FYB1: variants seen among roughly 807,000 people sequenced by gnomAD.
FYB1 encodes the protein FYN binding protein 1.
In FYB1, 41 loss-of-function variants were observed where a neutral mutation model predicts 94.1. The ratio of observed to expected loss-of-function variants is 0.44; its 90% CI spans 0.34 to 0.57. The LOEUF is 0.57. Ranked by LOEUF, FYB1 falls within the 20% of genes least tolerant of loss-of-function variation. The pLI, the probability that FYB1 is intolerant of heterozygous loss-of-function variation, is 0.02. For synonymous variants in FYB1, 367 were observed against 353.2 expected (o/e 1.04, Z -0.44); for missense variants, 1,050 against 976.8 (o/e 1.07, Z -1.00).
intron 1 of FYB1, among the ~76,000 whole-genome samples, chr5:39,209,374 T>C (rs1230161939): frequency 6.6e-6 from 1 of 151,560 alleles, no homozygotes; most frequent in Non-Finnish European, 1.5e-5. Context: ...TCACCCAGGC[T>C]GGAGTGCAGT....
upstream of FYB1, among the ~76,000 whole-genome samples, chr5:39,224,558 G>A (rs1013406570): frequency 1.3e-5 from 2 of 152,188 alleles, no homozygotes; most frequent in African/African-American, 4.8e-5. Flanking sequence ...TTAAAGGTGT[G>A]TATTCCTCTA....
intron 18 of FYB1, among the ~76,000 whole-genome samples, chr5:39,107,848 A>G (rs576257183): frequency 6.6e-6 from 1 of 152,188 alleles, no homozygotes; most frequent in South Asian, 2.1e-4. Flanking sequence ...AATTTTTTAG[A>G]TTACAGTTTG....
At chr5:39,148,153 TTTTATATATATATATATATATATA>T (rs1284992830) in intron 3 of FYB1, among the ~76,000 whole-genome samples, 3,234 of 79,454 alleles carry the variant, frequency 0.041, 500 homozygotes, top group African/African-American at 0.16. Context: ...TATATGTATT[TTTTATATATATATATATATATATA>T]TATATATATA....
chr5:39,139,364 C>T (rs1580363348), intron 4 of FYB1, 112 bp from the exon 5 acceptor site: 1 of 895,338 alleles, frequency 1.1e-6, no homozygotes, highest in Non-Finnish European at 1.5e-6. Context: ...TCTAACAGAA[C>T]TTATGCTTTA....
rs961220450 is a variant in FYB1, at chr5:39,106,461, G to A, written c.*982C>T. On this transcript the variant is annotated 3_prime_UTR_variant, in exon 19 of 19. Coordinates refer to ENST00000512982, the MANE Select transcript of FYB1 (RefSeq NM_001465.6). ...AATGAGTATGTACTGTTAGAGAAGG[G>A]CCCAATCCAAACACTAGAATTTTAA... is the stretch of plus-strand genomic sequence containing the variant. 1.3e-5 allele frequency: 2 copies of A among 151,776 alleles called. No homozygotes were observed. Among genetic ancestry groups the A allele is most frequent in the Non-Finnish European group, 1.5e-5 (1 of 67,936 alleles). The allele number at this position is 151,776 out of a possible 1,614,324, so 9.4% of individuals were successfully genotyped here. A position where few individuals can be genotyped will look rare whatever the true frequency, so the allele number is the denominator to read the frequency against.
chr5:39,243,635 G>C (rs1375954945), intron 1 of FYB1, among the ~76,000 whole-genome samples: 1 of 152,038 alleles, frequency 6.6e-6, no homozygotes, highest in Admixed American at 6.6e-5. Flanking sequence ...CTCTTTTTTG[G>C]TTCCATATGA....
At chr5:39,119,705 C>A (rs191629662) in intron 14 of FYB1, 71 bp from the exon 15 acceptor site, 2 of 1,319,328 alleles carry the variant, frequency 1.5e-6, no homozygotes, top group East Asian at 6.0e-5. Context: ...ATAACAGAGA[C>A]GATTCATAGC....
At chr5:39,116,457 A>T (rs1301000865) in intron 16 of FYB1, among the ~76,000 whole-genome samples, 1 of 152,216 alleles carries the variant, frequency 6.6e-6, no homozygotes, top group Non-Finnish European at 1.5e-5. Context: ...AAGTTTACGA[A>T]ACATTTTCAC....
At chr5:39,267,405 C>CAT (rs1752480581) in intron 1 of FYB1, among the ~76,000 whole-genome samples, 4 of 122,658 alleles carry the variant, frequency 3.3e-5, no homozygotes, top group Non-Finnish European at 7.2e-5. Context: ...ATCATCATCA[C>CAT]GTCATCACCA....
upstream of FYB1, among the ~76,000 whole-genome samples, chr5:39,220,980 T>C (rs1750224149): frequency 6.6e-6 from 1 of 152,366 alleles, no homozygotes; most frequent in East Asian, 1.9e-4. Flanking sequence ...AAATATTTAC[T>C]ATCTAGTCCT....
Position 39,163,744 on chromosome 5 carries a change from G to GA in FYB1, c.1136-10141dup, listed in dbSNP as rs1278678071. Among the ~76,000 whole-genome samples the GA allele has an allele frequency of 2.0e-5, 3 of 152,246 alleles. No individual in the cohort carries two copies. The East Asian group carries it at 5.8e-4, about 29-fold the overall frequency. On this transcript the variant is annotated intron_variant, in intron 2 of 18. Coordinates refer to ENST00000512982, the MANE Select transcript of FYB1 (RefSeq NM_001465.6). Reference sequence around the variant, plus strand: ...GAAGGTTAAGTGTGACTTTAAGAAGGAAAAATGTCAGCATATAAGAAAAGT... The same window carrying GA: ...GAAGGTTAAGTGTGACTTTAAGAAGGAAAAAATGTCAGCATATAAGAAAAGT...
upstream of FYB1, among the ~76,000 whole-genome samples, chr5:39,220,426 A>G (rs891492018): frequency 6.6e-6 from 1 of 151,658 alleles, no homozygotes; most frequent in African/African-American, 2.4e-5. Context: ...GGAAAAAAAA[A>G]AAAGAAGAAA....
At chr5:39,257,306 A>T (rs1346291659) in intron 1 of FYB1, among the ~76,000 whole-genome samples, 2 of 152,206 alleles carry the variant, frequency 1.3e-5, no homozygotes, top group Non-Finnish European at 2.9e-5. Flanking sequence ...AAAAAGTAGG[A>T]CTTATAAAGC....
chr5:39,110,080 G>A (rs1420366501), intron 17 of FYB1, among the ~76,000 whole-genome samples: 2 of 152,110 alleles, frequency 1.3e-5, no homozygotes, highest in African/African-American at 4.8e-5. Context: ...TGTCTTCAGT[G>A]TTTGCTGAGA....
At position 39,153,495 on chromosome 5, in the gene FYB1, T is replaced by A. The variant is rs757323497; in HGVS notation, c.1245A>T (p.Pro415=). The A allele has an allele frequency of 6.2e-7, 1 of 1,613,926 alleles. No homozygotes were observed. The highest frequency in any genetic ancestry group is 2.2e-5 in the East Asian group (1 of 44,868). The part of the protein sequence containing the change: ...PLPASHPSQP[P]VPSLPPRNIK... ...TGTTTCTGGGAGGTAGGCTTGGGACTGGTGGTTGTGATGGGTGAGATGCTG... is the reference window on the plus strand; with the variant it reads ...TGTTTCTGGGAGGTAGGCTTGGGACAGGTGGTTGTGATGGGTGAGATGCTG... Residue 415 remains proline (P), a synonymous_variant, in exon 3 of 19, where the codon CCA becomes CCT. Transcript: ENST00000512982.
At chr5:39,170,501 T>G (rs1208162595) in intron 2 of FYB1, among the ~76,000 whole-genome samples, 1 of 152,108 alleles carries the variant, frequency 6.6e-6, no homozygotes, top group African/African-American at 2.4e-5. Flanking sequence ...TACATGAGAA[T>G]TCCCCATTAA....
In FYB1 at chr5:39,107,389, T is replaced by C. The variant is rs1439294332; in HGVS notation, c.*54A>G. On this transcript the variant is annotated 3_prime_UTR_variant, in exon 19 of 19. Transcript: ENST00000512982. ...ATACCCAATAACATGCCAATTAAAA[T>C]CCAGACTTCACATTGGCACCTAATG... The C allele has an allele frequency of 2.2e-6, 3 of 1,348,218 alleles. No homozygotes were observed. The highest frequency in any genetic ancestry group is 5.1e-5 in the Admixed American group (2 of 39,594). The allele number at this position is 1,348,218 out of a possible 1,614,324, so 83.5% of individuals were successfully genotyped here.
chr5:39,130,595 C>A lies in FYB1; in HGVS notation c.1835G>T (p.Ser612Ile). Residue 612 changes from serine to isoleucine, a missense_variant, in exon 10 of 19, where the codon AGT becomes ATT. Coordinates refer to ENST00000512982, the MANE Select transcript of FYB1 (RefSeq NM_001465.6). Reference protein sequence around the residue: ...DDISSHSQSGSGGIFPPPPDD... With the variant: ...DDISSHSQSGIGGIFPPPPDD... ...TTAAGAAGCGTGTGGCTTACCTCCA[C>A]TTCCACTCTGACTGTGGCTAGAAAA... 6.4e-7 allele frequency: 1 copy of A among 1,574,696 alleles called. No individual in the cohort carries two copies. Among genetic ancestry groups the A allele is most frequent in the Admixed American group, 1.8e-5 (1 of 54,824 alleles).
At chr5:39,218,859 G>T (rs550516276) in intron 1 of FYB1, among the ~76,000 whole-genome samples, 5 of 152,218 alleles carry the variant, frequency 3.3e-5, no homozygotes, top group Non-Finnish European at 7.3e-5. Flanking sequence ...GCTTTGAAAG[G>T]CCTCCTTGGC....
Sources: gnomAD v4.1 joint callset for allele counts (sites outside exome capture counted in the v4.1 genomes callset) on GRCh38, gnomAD v4.1.1 for gene constraint, MANE v1.5 for transcripts, NCBI Gene and HGNC (gene_info 2026-07-23, HGNC 2026-07-21) for gene names.